The following ATRX variants were observed in gnomAD, a reference collection of about 807,000 sequenced individuals.
The protein encoded by ATRX is chromatin remodeler ATRX.
ATRX carries 12 observed loss-of-function variants against 172.6 expected under a neutral mutation model. The ratio of observed to expected loss-of-function variants is 0.07; its 90% confidence interval spans 0.04 to 0.11. The LOEUF is 0.11. Ranked by LOEUF, ATRX falls within the 10% of genes least tolerant of loss-of-function variation. ATRX has a pLI of 1.00. For synonymous variants in ATRX, 674 were observed against 594.7 expected, an observed-to-expected ratio of 1.13 and a Z score of -1.94; for missense variants, 1,368 against 1,767.4, an observed-to-expected ratio of 0.77 and a Z score of 4.05.
chrX:77,784,810 T>C (rs982604528), intron 1 of ATRX, among the ~76,000 whole-genome samples: 13 of 112,166 alleles, frequency 1.2e-4, no homozygotes, highest in Admixed American at 6.7e-4. Flanking sequence ...TCTAGCTAAA[T>C]TGCTCTAAAA....
Position 77,644,845 on chromosome X carries a change from A to AAAT in ATRX, c.4557+7266_4557+7268dup, listed in dbSNP as rs782162459. ...AGAAAGAAGCAACAATTATTTGATGAAATAATTGTGGAAAACTTCCCAAAT... is the reference window on the plus strand; with the variant it reads ...AGAAAGAAGCAACAATTATTTGATGAAATAATAATTGTGGAAAACTTCCCAAAT... On this transcript the variant is annotated intron_variant, in intron 15 of 34. Coordinates refer to ENST00000373344, the MANE Select transcript of ATRX (RefSeq NM_000489.6). Among the ~76,000 whole-genome samples, 17 of 111,954 alleles carry AAAT rather than the reference A, an allele frequency of 1.5e-4. No individual in the cohort carries two copies. The South Asian group carries it at 6.3e-3, about 42-fold the overall frequency.
At chrX:77,544,746 C>T (rs1424539045) in intron 30 of ATRX, among the ~76,000 whole-genome samples, 2 of 110,782 alleles carry the variant, frequency 1.8e-5, no homozygotes, top group Non-Finnish European at 3.8e-5. Context: ...AGGACATGAA[C>T]TCATCATTTT....
chrX:77,521,312 AGAAG>A lies in ATRX; in HGVS notation c.7071+87_7071+90del, dbSNP rs2063224593. ...TTTTACTATTGCAAATCAATTTATA[AGAAG>A]GAACAATTAAAAATTTAAAAAAATG... On this transcript the variant is annotated intron_variant, in intron 33 of 34. Transcript: ENST00000373344. 7.2e-6 allele frequency: 5 copies of A among 697,327 alleles called. No homozygotes were observed. The South Asian group carries it at 1.1e-4, about 16-fold the overall frequency. 57.5% of individuals were successfully genotyped at this position (697,327 alleles called of 1,213,427 possible). A position where few individuals can be genotyped will look rare whatever the true frequency, so the allele number is the denominator to read the frequency against.
At chrX:77,570,898 G>A (rs1450741062) in intron 28 of ATRX, among the ~76,000 whole-genome samples, 4 of 111,414 alleles carry the variant, frequency 3.6e-5, no homozygotes, top group Non-Finnish European at 5.7e-5. Flanking sequence ...TGGACAAAAA[G>A]ACATAAAGAG....
chrX:77,558,149 A>C (rs2064867012), intron 29 of ATRX, among the ~76,000 whole-genome samples: 1 of 111,197 alleles, frequency 9.0e-6, no homozygotes, highest in African/African-American at 3.2e-5. Context: ...ATTACATATA[A>C]ACTACATTAA....
At chrX:77,690,618 T>C (rs1458700002) in intron 6 of ATRX, among the ~76,000 whole-genome samples, 1 of 111,513 alleles carries the variant, frequency 9.0e-6, no homozygotes, top group Non-Finnish European at 1.9e-5. Context: ...CCTAATGTAT[T>C]ATAATCACAT....
At chrX:77,611,350 G>C (rs1348437597) in intron 22 of ATRX, among the ~76,000 whole-genome samples, 1 of 111,208 alleles carries the variant, frequency 9.0e-6, no homozygotes, top group Non-Finnish European at 1.9e-5. Context: ...ACCATCAAGA[G>C]GGCTCATTTC....
At chrX:77,576,093 A>T (rs1557070190) in intron 27 of ATRX, among the ~76,000 whole-genome samples, 1 of 111,805 alleles carries the variant, frequency 8.9e-6, no homozygotes, top group East Asian at 2.8e-4. Context: ...TTTGCTAAAG[A>T]TAATTTACAA....
In ATRX at chrX:77,663,398, G is replaced by T. The variant is rs782726352; in HGVS notation, c.4104C>A (p.Gly1368=). The change falls in exon 12 of 35, where the codon GGC becomes GGA. Residue 1368 remains glycine, a synonymous_variant. Transcript: ENST00000373344. ...ACATCTTACCCTTTCTTCTGTTTCT[G>T]CCTTTGACTTCTTTATGCTCTTTAG... ...TKPKEHKEVK[G]RNRRKVSSED... is the part of the protein sequence containing the mutation. 1 of 1,210,979 alleles carries T rather than the reference G, an allele frequency of 8.3e-7. No homozygotes were observed. Among genetic ancestry groups the T allele is most frequent in the South Asian group, 1.8e-5 (1 of 56,960 alleles).
At chrX:77,572,290 C>G (rs1694324390) in intron 28 of ATRX, among the ~76,000 whole-genome samples, 1 of 110,998 alleles carries the variant, frequency 9.0e-6, no homozygotes, top group African/African-American at 3.3e-5. Context: ...AGAAAATGCT[C>G]ATTGGGGCAT....
In ATRX at chrX:77,599,745, C is replaced by T. The variant is rs1157154167; in HGVS notation, c.5773G>A (p.Asp1925Asn). The change falls in exon 24 of 35, where the codon GAT (aspartate) becomes AAT (asparagine). Residue 1925 changes from aspartate (D) to asparagine (N), a missense_variant. By Grantham distance (23) the Asp-to-Asn change is conservative (BLOSUM62 1). Around this residue, in one of 17 missense-constraint regions of ATRX, gnomAD observed 17 missense variants for 17.7 expected, o/e 0.96. Coordinates refer to ENST00000373344, the MANE Select transcript of ATRX (RefSeq NM_000489.6). ...TATTCGATTTACTTTGTATAATCAT[C>T]GGAGCTTAAACTCATGGAGGTTTCA... ...SDETSMSLSS[D>N]DYTKKKKKGK... The T allele has an allele frequency of 8.3e-7, 1 of 1,208,554 alleles. No individual in the cohort carries two copies. The highest frequency in any genetic ancestry group is 1.1e-6 in the Non-Finnish European group (1 of 893,307).
intron 10 of ATRX, among the ~76,000 whole-genome samples, chrX:77,672,520 A>AG (rs1320592040): frequency 9.1e-6 from 1 of 110,490 alleles, no homozygotes; most frequent in Non-Finnish European, 1.9e-5. Context: ...CCAAGCCAGT[A>AG]GGAAAAAAAA....
At chrX:77,721,976 G>C (rs1424074967) in intron 1 of ATRX, among the ~76,000 whole-genome samples, 2 of 111,301 alleles carry the variant, frequency 1.8e-5, no homozygotes, top group African/African-American at 6.5e-5. Context: ...CCAAAACAGA[G>C]ATATAGAACA....
chrX:77,569,712 T>C, intron 28 of ATRX, among the ~76,000 whole-genome samples: 1 of 112,069 alleles, frequency 8.9e-6, no homozygotes, highest in Admixed American at 9.5e-5. Flanking sequence ...AGGACCTGTA[T>C]ACTGAAAACT....
chrX:77,722,632 C>T (rs2073832205), intron 1 of ATRX, among the ~76,000 whole-genome samples: 1 of 111,497 alleles, frequency 9.0e-6, no homozygotes, highest in Non-Finnish European at 1.9e-5. Flanking sequence ...AAATAAAAAC[C>T]ACAATGAGAT....
At chrX:77,513,312 G>A (rs35553049) in intron 34 of ATRX, among the ~76,000 whole-genome samples, 1,140 of 51,644 alleles carry the variant, frequency 0.022, 15 homozygotes, top group Non-Finnish European at 0.031. Context: ...GCGAGACTCC[G>A]TCTCAAAAAA....
At chrX:77,748,927 C>T (rs1266620670) in intron 1 of ATRX, among the ~76,000 whole-genome samples, 1 of 111,280 alleles carries the variant, frequency 9.0e-6, no homozygotes, top group Non-Finnish European at 1.9e-5. Flanking sequence ...TTCAATTATT[C>T]CCTATGACAG....
At chrX:77,626,028 CAT>C (rs782747198) in intron 19 of ATRX, among the ~76,000 whole-genome samples, 93 of 35,988 alleles carry the variant, frequency 2.6e-3, no homozygotes, top group African/African-American at 3.5e-3. Context: ...GAAATTGTGG[CAT>C]ATATATATAT....
chrX:77,773,092 T>TAAAAAA (rs782649057), intron 1 of ATRX, among the ~76,000 whole-genome samples: 377 of 37,115 alleles, frequency 0.01, no homozygotes, highest in Non-Finnish European at 0.011. Context: ...AAATTTCAGC[T>TAAAAAA]AAAAAAAAAA....
Sources: allele counts gnomAD v4.1 joint callset (sites outside exome capture counted in the v4.1 genomes callset), GRCh38; gene constraint gnomAD v4.1.1; regional missense constraint gnomAD v4.1.1; transcripts MANE v1.5; gene names NCBI Gene and HGNC (gene_info 2026-07-23, HGNC 2026-07-21).